KHDRBS2: variants seen among roughly 807,000 people sequenced by gnomAD.
KHDRBS2 encodes KH RNA binding domain containing, signal transduction associated 2.
Under a neutral mutation model 44.3 loss-of-function variants are expected in KHDRBS2, and 26 were observed. The observed-to-expected ratio is 0.59, with a 90% CI of 0.43 to 0.81. The LOEUF (loss-of-function observed/expected upper bound fraction) is 0.81, where lower values mean the gene tolerates loss of function less well. Among genes scored for constraint, KHDRBS2 ranks in the 40% least tolerant of loss-of-function variants. The pLI is 0.00. For synonymous variants in KHDRBS2, 194 were observed against 151.1 expected, an observed-to-expected ratio of 1.28 and a Z score of -2.08; for missense variants, 476 against 433.1, an observed-to-expected ratio of 1.10 and a Z score of -0.88.
At chr6:61,867,959 C>G (rs1321244241) in intron 6 of KHDRBS2, among the ~76,000 whole-genome samples, 6 of 152,146 alleles carry the variant, frequency 3.9e-5, no homozygotes, top group African/African-American at 1.2e-4. Flanking sequence ...AAAGAAGCAG[C>G]CTGGCTGAGT....
the KHDRBS2 span, among the ~76,000 whole-genome samples, chr6:61,628,659 G>A: frequency 1.3e-5 from 2 of 152,138 alleles, no homozygotes; most frequent in Non-Finnish European, 2.9e-5. Flanking sequence ...CATCTCTGCT[G>A]TGTGTCTTTT....
the KHDRBS2 span, among the ~76,000 whole-genome samples, chr6:61,632,675 A>G: frequency 6.6e-6 from 1 of 152,072 alleles, no homozygotes; most frequent in East Asian, 1.9e-4. Context: ...AATCCCTATG[A>G]AGATGGTTAA....
chr6:61,895,163 A>G (rs1208322531), intron 5 of KHDRBS2, among the ~76,000 whole-genome samples: 1 of 151,662 alleles, frequency 6.6e-6, no homozygotes, highest in Non-Finnish European at 1.5e-5. Flanking sequence ...CTCTGAATAT[A>G]ACCCCATTAA....
chr6:61,942,160 T>C (rs1177947993), intron 4 of KHDRBS2, among the ~76,000 whole-genome samples: 1 of 152,066 alleles, frequency 6.6e-6, no homozygotes, highest in Non-Finnish European at 1.5e-5. Flanking sequence ...AGTCTTGGTA[T>C]GTTGCCCAGA....
At chr6:62,171,510 T>C (rs1819996374) in intron 2 of KHDRBS2, among the ~76,000 whole-genome samples, 1 of 152,204 alleles carries the variant, frequency 6.6e-6, no homozygotes, top group African/African-American at 2.4e-5. Flanking sequence ...GAAAATGTAT[T>C]TGAGGATATT....
At chr6:62,134,395 T>C (rs764163100) in intron 2 of KHDRBS2, among the ~76,000 whole-genome samples, 12 of 152,026 alleles carry the variant, frequency 7.9e-5, no homozygotes, top group Non-Finnish European at 1.8e-4. Flanking sequence ...TTTCAGAGGA[T>C]GTATGGAAAT....
Position 61,736,107 on chromosome 6 carries a change from C to CT in KHDRBS2, c.811-3344dup, listed in dbSNP as rs549144502. 1.3e-3 allele frequency among the ~76,000 whole-genome samples: 171 copies of CT among 133,132 alleles called. 2 individuals are homozygous for CT. In the Middle Eastern group the frequency reaches 0.015, roughly 12 times the overall value. The allele number at this position is 133,132 out of a possible 152,430, so 87.3% of individuals were successfully genotyped here. A position where few individuals can be genotyped will look rare whatever the true frequency, so the allele number is the denominator to read the frequency against. ...CTCCATTTTTTTTCTTTCTTTCTTT[C>CT]TTTTTTTTTTTATAACCCTTACTAG... On this transcript the variant is annotated intron_variant, in intron 6 of 8. Transcript: ENST00000281156.
At chr6:61,919,054 C>T (rs1807545266) in intron 4 of KHDRBS2, among the ~76,000 whole-genome samples, 1 of 151,868 alleles carries the variant, frequency 6.6e-6, no homozygotes, top group African/African-American at 2.4e-5. Context: ...GATTTGAAGA[C>T]AATTCAACTA....
the KHDRBS2 span, among the ~76,000 whole-genome samples, chr6:61,591,926 A>T: frequency 6.6e-6 from 1 of 152,162 alleles, no homozygotes; most frequent in Non-Finnish European, 1.5e-5. Context: ...GTGGCTGACA[A>T]CTATAACCCC....
chr6:62,058,344 C>T (rs1790780920), intron 2 of KHDRBS2, among the ~76,000 whole-genome samples: 1 of 151,754 alleles, frequency 6.6e-6, no homozygotes, highest in Non-Finnish European at 1.5e-5. Flanking sequence ...TACTCAAATT[C>T]CTTTTGTCCT....
At chr6:61,545,959 C>T in the KHDRBS2 span, among the ~76,000 whole-genome samples, 1 of 152,100 alleles carries the variant, frequency 6.6e-6, no homozygotes, top group Non-Finnish European at 1.5e-5. Context: ...TTTTGGACTT[C>T]CAGTCCCCAG....
At chr6:61,818,943 A>C (rs935971002) in intron 6 of KHDRBS2, among the ~76,000 whole-genome samples, 3 of 152,016 alleles carry the variant, frequency 2.0e-5, no homozygotes, top group African/African-American at 7.2e-5. Context: ...TATGTATGTT[A>C]CTAGGAATTG....
chr6:61,665,495 C>T, the KHDRBS2 span, among the ~76,000 whole-genome samples: 4,500 of 151,266 alleles, frequency 0.03, 234 homozygotes, highest in African/African-American at 0.1. Flanking sequence ...ATAGATAATA[C>T]TTATTTCTAA....
chr6:61,932,753 A>C (rs557542841), intron 4 of KHDRBS2, among the ~76,000 whole-genome samples: 41 of 152,264 alleles, frequency 2.7e-4, no homozygotes, highest in African/African-American at 9.1e-4. Flanking sequence ...AGATCAGGCC[A>C]CTGCACTCCA....
chr6:62,061,212 C>A (rs1055659809), intron 2 of KHDRBS2, among the ~76,000 whole-genome samples: 2 of 151,100 alleles, frequency 1.3e-5, no homozygotes, highest in Non-Finnish European at 3.0e-5. Context: ...TTGATCCTGT[C>A]ATTATGATGT....
chr6:61,675,300 G>T (rs1308592868), downstream of KHDRBS2, among the ~76,000 whole-genome samples: 1 of 151,620 alleles, frequency 6.6e-6, no homozygotes, highest in African/African-American at 2.4e-5. Flanking sequence ...TCCTTTCAAA[G>T]AATTCTTGAT....
the KHDRBS2 span, among the ~76,000 whole-genome samples, chr6:61,670,687 A>G: frequency 6.6e-6 from 1 of 150,908 alleles, no homozygotes. Context: ...ATACTTTGAA[A>G]AAATTACAGA....
chr6:62,192,288 A>G (rs1056450444), intron 1 of KHDRBS2, among the ~76,000 whole-genome samples: 16 of 152,246 alleles, frequency 1.1e-4, no homozygotes, highest in Non-Finnish European at 2.2e-4. Flanking sequence ...TATTTCCAGA[A>G]CATGAGTAGA....
At chr6:61,551,026 G>A in the KHDRBS2 span, among the ~76,000 whole-genome samples, 81 of 152,110 alleles carry the variant, frequency 5.3e-4, 1 homozygote, top group East Asian at 0.011. Flanking sequence ...TGCCTATTGC[G>A]GCTCCCCAGG....
Sources: gnomAD v4.1 joint callset for allele counts (sites outside exome capture counted in the v4.1 genomes callset) on GRCh38, gnomAD v4.1.1 for gene constraint, MANE v1.5 for transcripts, NCBI Gene and HGNC (gene_info 2026-07-23, HGNC 2026-07-21) for gene names.